CACNA2D3: variants seen among roughly 807,000 people sequenced by gnomAD.
CACNA2D3 encodes the protein calcium voltage-gated channel auxiliary subunit alpha2delta 3, also known as voltage-dependent calcium channel subunit alpha-2/delta-3.
Under a neutral mutation model 160.6 loss-of-function variants are expected in CACNA2D3, and 60 were observed. That is an observed-to-expected ratio of 0.37 (90% CI 0.30 to 0.46). CACNA2D3 has a LOEUF of 0.46. Ranked by LOEUF, CACNA2D3 falls within the 20% of genes least tolerant of loss-of-function variation. The probability of loss-of-function intolerance (pLI) is 1.00; values close to 1 mark genes in which losing one functional copy is unlikely to be tolerated. For missense variants in CACNA2D3, 1,205 were observed against 1,365.0 expected, an observed-to-expected ratio of 0.88 and a Z score of 1.85; for synonymous variants, 558 against 492.9, an observed-to-expected ratio of 1.13 and a Z score of -1.75.
intron 2 of CACNA2D3, among the ~76,000 whole-genome samples, chr3:54,148,976 A>T (rs1237706503): frequency 0.072 from 9,766 of 134,880 alleles, 425 homozygotes; most frequent in African/African-American, 0.088. Flanking sequence ...AACTCCATCA[A>T]AAAAAAAAAA....
chr3:54,842,256 T>C (rs902811923), intron 16 of CACNA2D3, among the ~76,000 whole-genome samples: 1 of 152,222 alleles, frequency 6.6e-6, no homozygotes. Context: ...TTTTAACCAG[T>C]TTCTGAATAT....
intron 3 of CACNA2D3, among the ~76,000 whole-genome samples, chr3:54,328,583 C>T (rs1704171810): frequency 6.6e-6 from 1 of 152,158 alleles, no homozygotes; most frequent in Non-Finnish European, 1.5e-5. Context: ...CGCCTGGCCT[C>T]AAGTTATTTT....
chr3:54,868,553 C>T (rs748792733), intron 17 of CACNA2D3, among the ~76,000 whole-genome samples: 1 of 152,108 alleles, frequency 6.6e-6, no homozygotes, highest in Non-Finnish European at 1.5e-5. Flanking sequence ...TGGGGAGGAT[C>T]AGAAGTCAAG....
At chr3:54,851,721 A>C (rs1050390456) in intron 17 of CACNA2D3, among the ~76,000 whole-genome samples, 2 of 152,268 alleles carry the variant, frequency 1.3e-5, no homozygotes, top group African/African-American at 4.8e-5. Flanking sequence ...CATCTAAAAG[A>C]ATACAAAAGA....
chr3:54,556,959 T>A (rs945797368), intron 5 of CACNA2D3, among the ~76,000 whole-genome samples: 2 of 152,042 alleles, frequency 1.3e-5, no homozygotes, highest in East Asian at 3.9e-4. Flanking sequence ...GTCAGTGATG[T>A]TGGGAAAATC....
Position 55,074,278 on chromosome 3 carries a change from C to CAAAAT in CACNA2D3, c.*74_*78dup. ...GCTAAATCATGGATAAACTGTGAAC[C>CAAAAT]AAAATATGGTGCAACATACGAGACA... is the stretch of plus-strand genomic sequence containing the variant. On this transcript the variant is annotated 3_prime_UTR_variant, in exon 38 of 38. Transcript: ENST00000474759. 2 of 1,223,474 alleles carry CAAAAT rather than the reference C, an allele frequency of 1.6e-6. No individual in the cohort carries two copies. 75.8% of individuals were successfully genotyped at this position (1,223,474 alleles called of 1,614,324 possible). A position where few individuals can be genotyped will look rare whatever the true frequency, so the allele number is the denominator to read the frequency against.
At chr3:54,749,442 A>G (rs1336465158) in intron 11 of CACNA2D3, among the ~76,000 whole-genome samples, 1 of 152,212 alleles carries the variant, frequency 6.6e-6, no homozygotes, top group Non-Finnish European at 1.5e-5. Flanking sequence ...TAGGGCTTCC[A>G]GAAAATATGT....
chr3:54,555,293 C>T (rs1702226084), intron 5 of CACNA2D3, among the ~76,000 whole-genome samples: 1 of 152,150 alleles, frequency 6.6e-6, no homozygotes, highest in South Asian at 2.1e-4. Context: ...TTGCTTGGAT[C>T]TATGTGGGCT....
chr3:55,002,804 A>G (rs1703012040), intron 31 of CACNA2D3, among the ~76,000 whole-genome samples: 1 of 152,100 alleles, frequency 6.6e-6, no homozygotes, highest in Admixed American at 6.5e-5. Flanking sequence ...TTGATCTTCC[A>G]TTTGGTCAAA....
chr3:54,215,318 A>G (rs1319821888), intron 2 of CACNA2D3, among the ~76,000 whole-genome samples: 1 of 152,228 alleles, frequency 6.6e-6, no homozygotes, highest in East Asian at 1.9e-4. Context: ...ATCACCTCAC[A>G]TACTTCTCAT....
chr3:54,916,264 C>T (rs572025241), intron 27 of CACNA2D3, among the ~76,000 whole-genome samples: 2 of 152,204 alleles, frequency 1.3e-5, no homozygotes, highest in Non-Finnish European at 2.9e-5. Context: ...GGTATAAAAA[C>T]GTATAATTCC....
chr3:54,938,089 A>C (rs943425587), intron 27 of CACNA2D3, among the ~76,000 whole-genome samples: 1 of 152,178 alleles, frequency 6.6e-6, no homozygotes, highest in African/African-American at 2.4e-5. Flanking sequence ...TTTGATGTGG[A>C]GTTGGCAGTT....
intron 11 of CACNA2D3, among the ~76,000 whole-genome samples, chr3:54,740,302 T>G (rs1273546947): frequency 6.6e-6 from 1 of 152,100 alleles, no homozygotes; most frequent in Non-Finnish European, 1.5e-5. Context: ...AGGTAAGAAA[T>G]AAACTTTCTC....
rs1465356335 is a variant in CACNA2D3 at position 54,122,614 on chromosome 3, G to GGAGCA, written c.-98_-94dup. ...AGAGGCAGGCGGGGCGGCGCGGAGC[G>GGAGCA]GAGCAGGCAGCCCCGCGCGCTCGCC... is the stretch of plus-strand genomic sequence containing the variant. On this transcript the variant is annotated 5_prime_UTR_variant, in exon 1 of 38. Transcript: ENST00000474759. 1 of 770,060 alleles carries GGAGCA rather than the reference G, an allele frequency of 1.3e-6. No individual in the cohort carries two copies. The highest frequency in any genetic ancestry group is 2.0e-5 in the African/African-American group (1 of 51,074). 47.7% of individuals were successfully genotyped at this position (770,060 alleles called of 1,614,324 possible).
At chr3:54,755,628 C>T (rs1214823307) in intron 12 of CACNA2D3, among the ~76,000 whole-genome samples, 1 of 152,052 alleles carries the variant, frequency 6.6e-6, no homozygotes, top group Non-Finnish European at 1.5e-5. Flanking sequence ...TCAGGGAGAA[C>T]TATAGGAAGA....
At position 54,682,156 on chromosome 3, in the gene CACNA2D3, G is replaced by T. The variant is rs369566064; in HGVS notation, c.1167+39915G>T. On this transcript the variant is annotated intron_variant, in intron 11 of 37. Coordinates refer to ENST00000474759, the MANE Select transcript of CACNA2D3 (RefSeq NM_018398.3). ...TTTTGTGTCTCATTTATGCAAAACAGAACAGCACACACACACACACACACA... is the reference window on the plus strand; with the variant it reads ...TTTTGTGTCTCATTTATGCAAAACATAACAGCACACACACACACACACACA... 3.0e-5 allele frequency among the ~76,000 whole-genome samples: 4 copies of T among 133,766 alleles called. No homozygotes were observed. The Admixed American group carries it at 3.1e-4, about 10-fold the overall frequency. 87.8% of individuals were successfully genotyped at this position (133,766 alleles called of 152,430 possible).
chr3:55,044,057 A>T (rs1247069089), intron 35 of CACNA2D3, among the ~76,000 whole-genome samples: 1 of 152,190 alleles, frequency 6.6e-6, no homozygotes, highest in Non-Finnish European at 1.5e-5. Flanking sequence ...CCTTTACTTT[A>T]TTCTTTTTCA....
At chr3:54,532,361 T>C (rs1701818905) in intron 5 of CACNA2D3, among the ~76,000 whole-genome samples, 2 of 152,224 alleles carry the variant, frequency 1.3e-5, no homozygotes, top group African/African-American at 4.8e-5. Flanking sequence ...ACAGTTTTGC[T>C]GCATGGATAC....
At chr3:54,281,769 T>G (rs1702886617) in intron 2 of CACNA2D3, among the ~76,000 whole-genome samples, 1 of 152,148 alleles carries the variant, frequency 6.6e-6, no homozygotes, top group African/African-American at 2.4e-5. Context: ...TATTAGGAGG[T>G]GAGCTGGATC....
Sources: allele counts gnomAD v4.1 joint callset (sites outside exome capture counted in the v4.1 genomes callset), GRCh38; gene constraint gnomAD v4.1.1; transcripts MANE v1.5; gene names NCBI Gene and HGNC (gene_info 2026-07-23, HGNC 2026-07-21).